Variants in SPP2 observed in about 807,000 individuals in gnomAD.
The protein encoded by SPP2 is secreted phosphoprotein 2, also known as secreted phosphoprotein 24.
Under a neutral mutation model 28.8 loss-of-function variants are expected in SPP2, and 34 were observed. That is an observed-to-expected ratio of 1.18 (90% CI 0.90 to 1.57). The LOEUF (loss-of-function observed/expected upper bound fraction) is 1.57. Ranked by LOEUF, SPP2 falls within the 40% of genes most tolerant of loss-of-function variation. The pLI is 0.00. For synonymous variants in SPP2, 96 were observed against 89.4 expected, an observed-to-expected ratio of 1.07 and a Z score of -0.42; for missense variants, 269 against 263.9, an observed-to-expected ratio of 1.02 and a Z score of -0.13.
At chr2:234,062,324 G>A (rs986687481) in intron 4 of SPP2, among the ~76,000 whole-genome samples, 1 of 152,202 alleles carries the variant, frequency 6.6e-6, no homozygotes, top group Non-Finnish European at 1.5e-5. Flanking sequence ...AGGGCAGAGT[G>A]TGGAGGGGGA....
Position 234,058,843 on chromosome 2 carries a change from T to C in SPP2, c.218T>C (p.Val73Ala). 1 of 1,613,792 alleles carries C rather than the reference T, an allele frequency of 6.2e-7. No individual in the cohort carries two copies. Among genetic ancestry groups the C allele is most frequent in the Non-Finnish European group, 8.5e-7 (1 of 1,179,850 alleles). ...AFRSSLKRVE[V>A]LDENNLVMNL... Reference sequence around the variant, plus strand: ...AACTTTATTTTTGTGAAGGTTGAGGTCCTAGATGAGAACAACTTGGTCATG... The same window carrying C: ...AACTTTATTTTTGTGAAGGTTGAGGCCCTAGATGAGAACAACTTGGTCATG... Residue 73 changes from valine (V) to alanine (A), a missense_variant, in exon 3 of 8, where the codon GTC becomes GCC. Transcript: ENST00000168148.
intron 2 of SPP2, among the ~76,000 whole-genome samples, chr2:234,052,899 A>G (rs990202353): frequency 6.6e-6 from 1 of 152,106 alleles, no homozygotes; most frequent in Non-Finnish European, 1.5e-5. Flanking sequence ...TGTGTGTATT[A>G]ACCATGTCTT....
chr2:234,072,743 A>C (rs988779006), intron 7 of SPP2, among the ~76,000 whole-genome samples: 1 of 152,150 alleles, frequency 6.6e-6, no homozygotes, highest in Admixed American at 6.6e-5. Context: ...GAGGAGGTCA[A>C]TCCGATGGGA....
chr2:234,070,389 C>T (rs1268342739), intron 7 of SPP2, among the ~76,000 whole-genome samples: 1 of 152,218 alleles, frequency 6.6e-6, no homozygotes, highest in East Asian at 1.9e-4. Context: ...CTGGTTGCTT[C>T]CTCAACCTCC....
At chr2:234,054,352 G>A (rs1199665088) in intron 2 of SPP2, among the ~76,000 whole-genome samples, 2 of 152,150 alleles carry the variant, frequency 1.3e-5, no homozygotes, top group East Asian at 3.9e-4. Flanking sequence ...GTATCCCCTA[G>A]GGACATGTGC....
chr2:234,053,059 T>A (rs1040163788), intron 2 of SPP2, among the ~76,000 whole-genome samples: 1 of 151,904 alleles, frequency 6.6e-6, no homozygotes. Flanking sequence ...AAAGAGGAAA[T>A]ACAAAAGACT....
chr2:234,054,721 T>C (rs1427596065), intron 2 of SPP2, among the ~76,000 whole-genome samples: 1 of 152,062 alleles, frequency 6.6e-6, no homozygotes, highest in African/African-American at 2.4e-5. Flanking sequence ...ACTATACGGA[T>C]TGGGGCAGGG....
At chr2:234,063,562 AATAG>A (rs1429824205) in intron 4 of SPP2, among the ~76,000 whole-genome samples, 1 of 152,360 alleles carries the variant, frequency 6.6e-6, no homozygotes, top group Middle Eastern at 3.4e-3. Flanking sequence ...TAGTTAACTA[AATAG>A]ATAGGTGAAT....
intron 5 of SPP2, among the ~76,000 whole-genome samples, chr2:234,067,014 C>G (rs1192330507): frequency 6.6e-6 from 1 of 152,148 alleles, no homozygotes; most frequent in Non-Finnish European, 1.5e-5. Context: ...TCTTTCTTTT[C>G]TTGTGTGGCT....
rs28903991 is a variant in SPP2 at position 234,054,142 on chromosome 2, G to A, written c.210+3047G>A. Among the ~76,000 whole-genome samples, 1,240 of 152,254 alleles carry A rather than the reference G, an allele frequency of 8.1e-3. 19 individuals carry two copies. The highest frequency in any genetic ancestry group is 0.028 in the African/African-American group (1,168 of 41,550). On this transcript the variant is annotated intron_variant, in intron 2 of 7. Coordinates refer to ENST00000168148, the MANE Select transcript of SPP2 (RefSeq NM_006944.3). ...CAAGAAGTTCCCACTGTGGAAAGACGTTCTGAGGAATATTGGGTGAGCTGG... is the reference window on the plus strand; with the variant it reads ...CAAGAAGTTCCCACTGTGGAAAGACATTCTGAGGAATATTGGGTGAGCTGG...
chr2:234,071,873 G>A (rs28904008), intron 7 of SPP2, among the ~76,000 whole-genome samples: 223 of 152,294 alleles, frequency 1.5e-3, no homozygotes, highest in Middle Eastern at 3.4e-3. Flanking sequence ...GGAGGTCTAC[G>A]TTGACACCAC....
intron 7 of SPP2, among the ~76,000 whole-genome samples, chr2:234,074,062 A>T (rs1293196117): frequency 6.6e-6 from 1 of 152,162 alleles, no homozygotes; most frequent in Non-Finnish European, 1.5e-5. Context: ...TTCATTGAGG[A>T]GGAAGCAGAG....
At chr2:234,059,703 A>T (rs577051757) in intron 3 of SPP2, among the ~76,000 whole-genome samples, 34 of 152,304 alleles carry the variant, frequency 2.2e-4, no homozygotes, top group African/African-American at 7.7e-4. Flanking sequence ...TATGGTATGC[A>T]CATGAAAGTG....
intron 4 of SPP2, 73 bp from the exon 5 acceptor site, chr2:234,066,459 AT>A (rs1014317737): frequency 2.5e-6 from 3 of 1,220,598 alleles, no homozygotes; most frequent in African/African-American, 3.0e-5. Context: ...TCCAGATGAC[AT>A]TTACATTTTT....
chr2:234,066,597 G>T lies in SPP2; in HGVS notation c.499+10G>T, dbSNP rs760368137. On this transcript the variant is annotated intron_variant, in intron 5 of 7. Transcript: ENST00000168148. ...AACAATTATCTATTTGGTAAGTTAA[G>T]ATCTGTTCTTTTTAACTTTTTTTCT... The T allele has an allele frequency of 2.5e-6, 4 of 1,602,786 alleles. No individual in the cohort carries two copies. Among genetic ancestry groups the T allele is most frequent in the Non-Finnish European group, 8.5e-7 (1 of 1,174,988 alleles).
chr2:234,051,083 C>T lies in SPP2; in HGVS notation c.198C>T (p.Ser66=), dbSNP rs1176824058. The T allele has an allele frequency of 1.2e-6, 2 of 1,613,740 alleles. No homozygotes were observed. Among genetic ancestry groups the T allele is most frequent in the East Asian group, 2.2e-5 (1 of 44,862 alleles). ...CGTATCTGTTTCGGGCATTCAGAAG[C>T]TCATTAAAAAGAGTAAGTGCAAAAT... is the stretch of plus-strand genomic sequence containing the variant. ...LSPYLFRAFR[S]SLKRVEVLDE... The change falls in exon 2 of 8, where the codon AGC becomes AGT. Residue 66 remains serine, a synonymous_variant. Coordinates refer to ENST00000168148, the MANE Select transcript of SPP2 (RefSeq NM_006944.3).
intron 7 of SPP2, among the ~76,000 whole-genome samples, chr2:234,071,201 T>C (rs1327062513): frequency 6.6e-6 from 1 of 152,208 alleles, no homozygotes; most frequent in Non-Finnish European, 1.5e-5. Flanking sequence ...AACTATTGAT[T>C]GTATTCTTGC....
At chr2:234,067,415 A>G in intron 6 of SPP2, 141 bp downstream of exon 6, 1 of 829,772 alleles carries the variant, frequency 1.2e-6, no homozygotes, top group Admixed American at 2.6e-5. Context: ...AAAAAGGAAA[A>G]GAATAGTAAT....
intron 4 of SPP2, 129 bp downstream of exon 4, chr2:234,060,608 C>G (rs934225542): frequency 1.5e-6 from 1 of 687,340 alleles, no homozygotes; most frequent in Non-Finnish European, 2.5e-6. Context: ...TCTGCTGACA[C>G]AGTGGGATTC....
Sources: allele counts gnomAD v4.1 joint callset (sites outside exome capture counted in the v4.1 genomes callset), GRCh38; gene constraint gnomAD v4.1.1; transcripts MANE v1.5; gene names NCBI Gene and HGNC (gene_info 2026-07-23, HGNC 2026-07-21).